FARP1: variants seen among roughly 807,000 people sequenced by gnomAD.
FARP1 encodes the protein FERM, ARH/RhoGEF and pleckstrin domain protein 1, also known as FERM, ARHGEF and pleckstrin domain-containing protein 1.
Under a neutral mutation model 128.8 loss-of-function variants are expected in FARP1, and 52 were observed. The ratio of observed to expected loss-of-function variants is 0.40; its 90% CI spans 0.32 to 0.51. The LOEUF (loss-of-function observed/expected upper bound fraction) is 0.51, where lower values mean the gene tolerates loss of function less well. Ranked by LOEUF, FARP1 falls within the 20% of genes least tolerant of loss-of-function variation. The pLI is 0.45. For missense variants in FARP1, 1,333 were observed against 1,367.9 expected (o/e 0.97, Z 0.40); for synonymous variants, 580 against 551.8 (o/e 1.05, Z -0.72).
intron 3 of FARP1, among the ~76,000 whole-genome samples, chr13:98,356,133 T>C (rs570315391): frequency 6.6e-6 from 1 of 152,374 alleles, no homozygotes; most frequent in African/African-American, 2.4e-5. Context: ...AAATCTATTA[T>C]TTATTTTCTG....
intron 1 of FARP1, among the ~76,000 whole-genome samples, chr13:98,206,212 T>C (rs1880256322): frequency 2.0e-5 from 3 of 148,588 alleles, no homozygotes. Flanking sequence ...TGTGTGTGTG[T>C]GTGTGATCCT....
chr13:98,283,005 A>G (rs138510551), intron 2 of FARP1, among the ~76,000 whole-genome samples: 227 of 152,362 alleles, frequency 1.5e-3, no homozygotes, highest in African/African-American at 5.3e-3. Flanking sequence ...TATACCTACT[A>G]TCTTAGAAGA....
At chr13:98,438,234 A>C (rs1479349321) in intron 19 of FARP1, among the ~76,000 whole-genome samples, 1 of 152,060 alleles carries the variant, frequency 6.6e-6, no homozygotes, top group Non-Finnish European at 1.5e-5. Context: ...TTTATCCTCA[A>C]CGCAGTTACT....
intron 13 of FARP1, chr13:98,398,286 G>A (rs1216452371): frequency 6.6e-6 from 1 of 152,170 alleles, no homozygotes; most frequent in African/African-American, 2.4e-5. Context: ...TCGTTTGAGA[G>A]TTGTTCATTG....
At chr13:98,241,717 G>C (rs1318655175) in intron 2 of FARP1, among the ~76,000 whole-genome samples, 2 of 152,096 alleles carry the variant, frequency 1.3e-5, no homozygotes, top group Non-Finnish European at 2.9e-5. Flanking sequence ...TCAGGGGTTC[G>C]AGACCAGCCT....
At chr13:98,356,792 G>A (rs1158982437) in intron 3 of FARP1, among the ~76,000 whole-genome samples, 3 of 151,768 alleles carry the variant, frequency 2.0e-5, no homozygotes, top group East Asian at 3.9e-4. Flanking sequence ...CCGCCACCAC[G>A]CCCGGCTAAT....
intron 2 of FARP1, among the ~76,000 whole-genome samples, chr13:98,240,215 C>T (rs1332362718): frequency 1.3e-5 from 2 of 152,154 alleles, no homozygotes; most frequent in Non-Finnish European, 2.9e-5. Context: ...GGTAGACGCA[C>T]GTTTTTTGGG....
chr13:98,368,572 T>C (rs1405483013), intron 5 of FARP1, among the ~76,000 whole-genome samples: 3 of 152,198 alleles, frequency 2.0e-5, no homozygotes, highest in Non-Finnish European at 4.4e-5. Flanking sequence ...TGGCAGGAAC[T>C]GGAGGTCAAT....
At chr13:98,180,912 G>C (rs772352762) in intron 1 of FARP1, among the ~76,000 whole-genome samples, 1 of 152,094 alleles carries the variant, frequency 6.6e-6, no homozygotes, top group Non-Finnish European at 1.5e-5. Context: ...TCAATTGTAT[G>C]AGTCTATGAT....
intron 16 of FARP1, among the ~76,000 whole-genome samples, chr13:98,420,302 T>C (rs1280263248): frequency 6.6e-6 from 1 of 152,210 alleles, no homozygotes; most frequent in African/African-American, 2.4e-5. Context: ...TCATACAGGC[T>C]GTCCTTCTGC....
At chr13:98,339,400 A>C (rs1887871458) in intron 2 of FARP1, among the ~76,000 whole-genome samples, 2 of 152,286 alleles carry the variant, frequency 1.3e-5, no homozygotes, top group South Asian at 4.1e-4. Context: ...CAAGGGGGAA[A>C]TCTGCCCCCA....
intron 17 of FARP1, among the ~76,000 whole-genome samples, chr13:98,426,299 G>T (rs1250780774): frequency 2.6e-5 from 4 of 152,126 alleles, no homozygotes; most frequent in Admixed American, 2.6e-4. Flanking sequence ...GAGCAGCCTA[G>T]ACAACATAGC....
At chr13:98,427,519 A>T (rs1426381876) in intron 17 of FARP1, among the ~76,000 whole-genome samples, 1 of 152,214 alleles carries the variant, frequency 6.6e-6, no homozygotes, top group Non-Finnish European at 1.5e-5. Flanking sequence ...TGGGGACAGC[A>T]GCAGAGACCT....
At chr13:98,426,931 TGAG>T (rs561382758) in intron 17 of FARP1, among the ~76,000 whole-genome samples, 13 of 152,182 alleles carry the variant, frequency 8.5e-5, no homozygotes, top group Non-Finnish European at 1.3e-4. Context: ...ACAGAAAACT[TGAG>T]GAGAAAGTAC....
chr13:98,424,953 C>G (rs1014277654), intron 17 of FARP1, among the ~76,000 whole-genome samples: 4 of 151,524 alleles, frequency 2.6e-5, no homozygotes, highest in Non-Finnish European at 5.9e-5. Flanking sequence ...ATGTGTGACC[C>G]AAGACAATTC....
At chr13:98,377,300 C>CA (rs78313498) in intron 5 of FARP1, among the ~76,000 whole-genome samples, 1,511 of 99,450 alleles carry the variant, frequency 0.015, 9 homozygotes, top group Middle Eastern at 0.072. Flanking sequence ...GACTTTGTCT[C>CA]AAAAAAAAAA....
At chr13:98,173,330 C>T (rs1476793844) in intron 1 of FARP1, among the ~76,000 whole-genome samples, 3 of 152,130 alleles carry the variant, frequency 2.0e-5, no homozygotes, top group Non-Finnish European at 4.4e-5. Flanking sequence ...TTAGGTGGTA[C>T]TTATAAAAAC....
chr13:98,190,512 C>T (rs887126743), intron 1 of FARP1, among the ~76,000 whole-genome samples: 5 of 152,170 alleles, frequency 3.3e-5, no homozygotes, highest in African/African-American at 1.2e-4. Flanking sequence ...GGATCCCTTT[C>T]CTTCCCAGCT....
chr13:98,311,256 C>G (rs1886446902), intron 2 of FARP1, among the ~76,000 whole-genome samples: 1 of 152,060 alleles, frequency 6.6e-6, no homozygotes, highest in Middle Eastern at 3.2e-3. Flanking sequence ...AAACTGAAGC[C>G]CAAAATGATC....
Sources: gnomAD v4.1 joint callset for allele counts (sites outside exome capture counted in the v4.1 genomes callset) on GRCh38, gnomAD v4.1.1 for gene constraint, MANE v1.5 for transcripts, NCBI Gene and HGNC (gene_info 2026-07-23, HGNC 2026-07-21) for gene names.